The following PRKAR1B variants were observed in gnomAD, a reference collection of about 807,000 sequenced individuals.
The protein encoded by PRKAR1B is protein kinase cAMP-dependent type I regulatory subunit beta.
In PRKAR1B, 22 loss-of-function variants were observed where a neutral mutation model predicts 46.5. The observed-to-expected ratio is 0.47, with a 90% CI of 0.34 to 0.68. PRKAR1B has a LOEUF of 0.68. Among genes scored for constraint, PRKAR1B ranks in the 30% least tolerant of loss-of-function variants. The probability of loss-of-function intolerance (pLI) is 0.01; values close to 1 mark genes in which losing one functional copy is unlikely to be tolerated. For synonymous variants in PRKAR1B, 259 were observed against 217.7 expected (o/e 1.19, Z -1.67); for missense variants, 445 against 535.6 (o/e 0.83, Z 1.67).
intron 2 of PRKAR1B, among the ~76,000 whole-genome samples, chr7:703,351 A>C (rs1209063658): frequency 2.6e-5 from 4 of 152,172 alleles, no homozygotes; most frequent in Non-Finnish European, 4.4e-5. Flanking sequence ...GGCCAAAAAG[A>C]ATCAGCAAGA....
intron 8 of PRKAR1B, among the ~76,000 whole-genome samples, chr7:581,888 T>A (rs1346198519): frequency 2.6e-5 from 4 of 152,144 alleles, no homozygotes; most frequent in Non-Finnish European, 4.4e-5. Flanking sequence ...GCTAACTTTT[T>A]AAAAATTTTT....
At chr7:629,081 T>G (rs974366052) in intron 4 of PRKAR1B, among the ~76,000 whole-genome samples, 6 of 152,214 alleles carry the variant, frequency 3.9e-5, no homozygotes, top group African/African-American at 1.4e-4. Context: ...GTGCAGAAGA[T>G]GAGAAGCCCT....
chr7:655,847 A>T (rs28742938), intron 4 of PRKAR1B, among the ~76,000 whole-genome samples: 24,950 of 152,108 alleles, frequency 0.16, 2,268 homozygotes, highest in South Asian at 0.29. Flanking sequence ...AACCTCAGTT[A>T]CCCTCTGGGT....
chr7:696,309 T>C (rs913845144), intron 2 of PRKAR1B, among the ~76,000 whole-genome samples: 1 of 150,860 alleles, frequency 6.6e-6, no homozygotes, highest in Admixed American at 6.6e-5. Flanking sequence ...TTCACTCTTG[T>C]TGCCCAGGCT....
intron 2 of PRKAR1B, among the ~76,000 whole-genome samples, chr7:692,398 C>T (rs1779480847): frequency 6.6e-6 from 1 of 151,114 alleles, no homozygotes; most frequent in Non-Finnish European, 1.5e-5. Context: ...GAAGCTCTGT[C>T]TCAAAAAAAG....
chr7:640,803 C>G (rs1010628076), intron 4 of PRKAR1B, among the ~76,000 whole-genome samples: 1 of 130,052 alleles, frequency 7.7e-6, no homozygotes, highest in Admixed American at 7.6e-5. Flanking sequence ...CACACACACA[C>G]ACACAGACAC....
chr7:562,728 G>C (rs967742514), intron 9 of PRKAR1B, among the ~76,000 whole-genome samples: 1 of 152,150 alleles, frequency 6.6e-6, no homozygotes, highest in African/African-American at 2.4e-5. Flanking sequence ...ATAGCTTTGC[G>C]GCCAGCAGCA....
In PRKAR1B at chr7:673,045, T is replaced by TAAAAAAAAA; in HGVS notation, c.440+4175_440+4183dup. Reference sequence around the variant, plus strand: ...GGGTGAGAGAGTAAGGCCTTGTCTTTAAAAAAAAAAAAAAAAAAAAAAAAA... The same window carrying TAAAAAAAAA: ...GGGTGAGAGAGTAAGGCCTTGTCTTTAAAAAAAAAAAAAAAAAAAAAAAAAAAAAAAAAA... On this transcript the variant is annotated intron_variant, in intron 4 of 10. Transcript: ENST00000537384. Among the ~76,000 whole-genome samples the TAAAAAAAAA allele has an allele frequency of 7.9e-4, 21 of 26,550 alleles. 6 individuals are homozygous for TAAAAAAAAA. Among genetic ancestry groups the TAAAAAAAAA allele is most frequent in the Non-Finnish European group, 1.1e-3 (18 of 16,128 alleles). The allele number at this position is 26,550 out of a possible 152,430, so 17.4% of individuals were successfully genotyped here.
In PRKAR1B at chr7:677,286, A is replaced by G; in HGVS notation, c.383T>C (p.Leu128Pro). Residue 128 changes from leucine to proline, a missense_variant, in exon 4 of 11, where the codon CTG becomes CCG. Leu to Pro is a moderately conservative substitution (Grantham distance 98, BLOSUM62 -3). Transcript: ENST00000537384. ...CACGTTCTTGGAGATGGCCTTGGCC[A>G]GCGCAGTCATGGTTTTGTAGTCCTT... ...IPKDYKTMTALAKAISKNVLF... is the reference protein window; with the variant it reads ...IPKDYKTMTAPAKAISKNVLF... 2.5e-6 allele frequency: 4 copies of G among 1,614,256 alleles called. No individual in the cohort carries two copies. The highest frequency in any genetic ancestry group is 2.5e-6 in the Non-Finnish European group (3 of 1,180,040).
chr7:561,124 G>T (rs1185671196), intron 9 of PRKAR1B, among the ~76,000 whole-genome samples: 5 of 145,982 alleles, frequency 3.4e-5, no homozygotes, highest in African/African-American at 1.3e-4. Flanking sequence ...CCCACACACA[G>T]GCACACAAAC....
intron 8 of PRKAR1B, among the ~76,000 whole-genome samples, chr7:582,566 C>T (rs563246664): frequency 8.5e-5 from 13 of 152,224 alleles, no homozygotes; most frequent in Non-Finnish European, 1.8e-4. Context: ...AATGGGCGGA[C>T]GGAGGCCACG....
At chr7:649,880 T>A (rs543436900) in intron 4 of PRKAR1B, among the ~76,000 whole-genome samples, 2 of 151,936 alleles carry the variant, frequency 1.3e-5, no homozygotes, top group East Asian at 3.9e-4. Flanking sequence ...TTCTGTTTTT[T>A]TGTAGAGCTT....
intron 2 of PRKAR1B, among the ~76,000 whole-genome samples, chr7:689,514 T>C (rs1229821890): frequency 6.6e-6 from 1 of 152,202 alleles, no homozygotes; most frequent in Non-Finnish European, 1.5e-5. Flanking sequence ...AAATTTGAAA[T>C]TCACATCACA....
intron 10 of PRKAR1B, among the ~76,000 whole-genome samples, chr7:550,993 G>T (rs1784148696): frequency 6.6e-6 from 1 of 150,714 alleles, no homozygotes; most frequent in Non-Finnish European, 1.5e-5. Flanking sequence ...GCCTCCCTCA[G>T]GACCCAGACC....
At chr7:657,388 C>CATGG (rs538399335) in intron 4 of PRKAR1B, among the ~76,000 whole-genome samples, 2,539 of 147,664 alleles carry the variant, frequency 0.017, 71 homozygotes, top group African/African-American at 0.056. Context: ...TGAATGTGTG[C>CATGG]ATGGATGGAT....
intron 9 of PRKAR1B, among the ~76,000 whole-genome samples, chr7:557,749 C>T (rs1778535783): frequency 6.6e-6 from 1 of 152,224 alleles, no homozygotes; most frequent in African/African-American, 2.4e-5. Flanking sequence ...TCCTGTCCAA[C>T]TCCACTTCCC....
At chr7:727,516 C>T, upstream of PRKAR1B, 1 of 307,620 alleles carries the variant, frequency 3.3e-6, no homozygotes, top group East Asian at 5.2e-5. Context: ...CTCCCACCAC[C>T]ACTGCTTCCC....
intron 4 of PRKAR1B, among the ~76,000 whole-genome samples, chr7:665,593 C>T (rs1785865955): frequency 6.6e-6 from 1 of 152,218 alleles, no homozygotes; most frequent in Admixed American, 6.5e-5. Flanking sequence ...GGGCTTTCTG[C>T]AAATGGAAAT....
chr7:585,101 A>G (rs1259092972), intron 7 of PRKAR1B, among the ~76,000 whole-genome samples: 1 of 152,210 alleles, frequency 6.6e-6, no homozygotes, highest in Non-Finnish European at 1.5e-5. Context: ...GAATCATACA[A>G]TACCAACAAA....
Sources: gnomAD v4.1 joint callset for allele counts (sites outside exome capture counted in the v4.1 genomes callset) on GRCh38, gnomAD v4.1.1 for gene constraint, MANE v1.5 for transcripts, NCBI Gene and HGNC (gene_info 2026-07-23, HGNC 2026-07-21) for gene names.